The following ZMAT4 variants were observed in gnomAD, a reference collection of about 807,000 sequenced individuals.
ZMAT4 encodes the protein zinc finger matrin-type 4, also known as zinc finger matrin-type protein 4.
ZMAT4 carries 17 observed loss-of-function variants against 28.7 expected under a neutral mutation model. The observed-to-expected ratio is 0.59, with a 90% CI of 0.41 to 0.89. ZMAT4 has a LOEUF of 0.89. Among genes scored for constraint, ZMAT4 ranks in the 40% least tolerant of loss-of-function variants. ZMAT4 has a pLI of 0.00. For synonymous variants in ZMAT4, 117 were observed against 109.2 expected (o/e 1.07, Z -0.44); for missense variants, 240 against 283.8 (o/e 0.85, Z 1.11).
intron 6 of ZMAT4, among the ~76,000 whole-genome samples, chr8:40,543,661 C>T (rs751433756): frequency 2.6e-5 from 4 of 152,084 alleles, no homozygotes; most frequent in Non-Finnish European, 4.4e-5. Context: ...AGACACTGGC[C>T]GTATAGGCCT....
intron 1 of ZMAT4, among the ~76,000 whole-genome samples, chr8:40,867,374 C>A (rs577908503): frequency 6.6e-6 from 1 of 152,160 alleles, no homozygotes; most frequent in Non-Finnish European, 1.5e-5. Context: ...CTTGCCGTAG[C>A]GTCTGTTTTC....
chr8:40,769,813 G>T (rs1813316502), intron 2 of ZMAT4, among the ~76,000 whole-genome samples: 2 of 149,692 alleles, frequency 1.3e-5, no homozygotes. Flanking sequence ...TTAATCTAAA[G>T]TATTCCATTT....
intron 2 of ZMAT4, among the ~76,000 whole-genome samples, chr8:40,786,433 C>T (rs1440885615): frequency 7.7e-6 from 1 of 130,156 alleles, no homozygotes; most frequent in East Asian, 2.2e-4. Flanking sequence ...GTAAATAGTA[C>T]ACAGAAGTAC....
chr8:40,738,707 G>A (rs535317792), intron 3 of ZMAT4, among the ~76,000 whole-genome samples: 14 of 152,292 alleles, frequency 9.2e-5, no homozygotes, highest in South Asian at 4.1e-4. Context: ...AGGAGGTGGA[G>A]GATGTGCTCT....
At chr8:40,852,963 A>AT in intron 1 of ZMAT4, among the ~76,000 whole-genome samples, 1 of 152,176 alleles carries the variant, frequency 6.6e-6, no homozygotes, top group African/African-American at 2.4e-5. Flanking sequence ...GCAAAAAAAA[A>AT]TGTGGTCAGT....
At chr8:40,766,728 A>G (rs1563469798) in intron 3 of ZMAT4, among the ~76,000 whole-genome samples, 1 of 152,248 alleles carries the variant, frequency 6.6e-6, no homozygotes, top group Non-Finnish European at 1.5e-5. Context: ...GCTCATAGGC[A>G]GTTCTCTTGC....
intron 1 of ZMAT4, among the ~76,000 whole-genome samples, chr8:40,853,323 G>A (rs1201886637): frequency 8.5e-5 from 13 of 152,160 alleles, no homozygotes; most frequent in African/African-American, 2.4e-4. Context: ...TTGGGAGGCC[G>A]AGCCAGGTGA....
intron 4 of ZMAT4, among the ~76,000 whole-genome samples, chr8:40,680,819 T>G (rs1263215700): frequency 6.6e-6 from 1 of 152,078 alleles, no homozygotes; most frequent in Non-Finnish European, 1.5e-5. Context: ...TCTTTTCTCC[T>G]CTTTTATCTC....
chr8:40,707,321 C>A (rs1233217748), intron 3 of ZMAT4, among the ~76,000 whole-genome samples: 1 of 151,010 alleles, frequency 6.6e-6, no homozygotes, highest in African/African-American at 2.4e-5. Context: ...TAACCCCCAG[C>A]ACAGTGTTTT....
chr8:40,783,820 G>A (rs1332910528), intron 2 of ZMAT4, among the ~76,000 whole-genome samples: 3 of 152,106 alleles, frequency 2.0e-5, no homozygotes, highest in African/African-American at 4.8e-5. Context: ...AGACCAGCCC[G>A]GCCAACATGG....
chr8:40,894,166 G>C (rs530988805), intron 1 of ZMAT4, among the ~76,000 whole-genome samples: 1 of 152,232 alleles, frequency 6.6e-6, no homozygotes, highest in African/African-American at 2.4e-5. Flanking sequence ...GAGGGCTTGC[G>C]GCTGGTGGGA....
At chr8:40,778,170 A>G (rs949096999) in intron 2 of ZMAT4, among the ~76,000 whole-genome samples, 5 of 152,248 alleles carry the variant, frequency 3.3e-5, no homozygotes, top group Non-Finnish European at 5.9e-5. Flanking sequence ...TTTGCTGAAC[A>G]AAGAGATTCT....
intron 2 of ZMAT4, among the ~76,000 whole-genome samples, chr8:40,770,019 C>T (rs1813323293): frequency 6.6e-6 from 1 of 152,094 alleles, no homozygotes; most frequent in South Asian, 2.1e-4. Context: ...GTTTTCCTCC[C>T]TCGGGGCCCC....
chr8:40,561,346 A>C (rs1803733063), intron 6 of ZMAT4, among the ~76,000 whole-genome samples: 1 of 152,108 alleles, frequency 6.6e-6, no homozygotes. Context: ...GTGGTTTTAC[A>C]GTGTACTAAC....
intron 3 of ZMAT4, among the ~76,000 whole-genome samples, chr8:40,730,831 T>C (rs1051832609): frequency 6.6e-6 from 1 of 152,192 alleles, no homozygotes; most frequent in Non-Finnish European, 1.5e-5. Context: ...ATGGACTCTA[T>C]CTAATGTAAC....
intron 5 of ZMAT4, among the ~76,000 whole-genome samples, chr8:40,617,382 A>G (rs1806047285): frequency 6.6e-6 from 1 of 152,188 alleles, no homozygotes; most frequent in Non-Finnish European, 1.5e-5. Flanking sequence ...TTTAGACAAG[A>G]AGAACCTAAT....
intron 5 of ZMAT4, among the ~76,000 whole-genome samples, chr8:40,583,652 G>A (rs1340846181): frequency 6.6e-6 from 1 of 152,154 alleles, no homozygotes; most frequent in Non-Finnish European, 1.5e-5. Context: ...ACAGCCTCAG[G>A]AGGTCCTGAG....
intron 2 of ZMAT4, among the ~76,000 whole-genome samples, chr8:40,812,306 T>C (rs1815351159): frequency 6.6e-6 from 1 of 152,202 alleles, no homozygotes; most frequent in South Asian, 2.1e-4. Flanking sequence ...GTCATGTCGA[T>C]AGCACGTACT....
intron 2 of ZMAT4, among the ~76,000 whole-genome samples, chr8:40,805,720 A>C (rs373493573): frequency 0.04 from 5,811 of 145,666 alleles, 170 homozygotes; most frequent in Non-Finnish European, 0.061. Flanking sequence ...ATTCTCACTC[A>C]TAGGTGGGAA....
Sources: gnomAD v4.1 joint callset for allele counts (sites outside exome capture counted in the v4.1 genomes callset) on GRCh38, gnomAD v4.1.1 for gene constraint, MANE v1.5 for transcripts, NCBI Gene and HGNC (gene_info 2026-07-23, HGNC 2026-07-21) for gene names.